Variants in PTPRG observed in about 807,000 individuals in gnomAD.
PTPRG encodes the protein protein tyrosine phosphatase receptor type G, also known as receptor-type tyrosine-protein phosphatase gamma.
Under a neutral mutation model 165.3 loss-of-function variants are expected in PTPRG, and 102 were observed. That is an observed-to-expected ratio of 0.62 (90% confidence interval 0.53 to 0.73). The LOEUF is 0.73. Ranked by LOEUF, PTPRG falls within the 30% of genes least tolerant of loss-of-function variation. PTPRG has a pLI of 0.00. For missense variants in PTPRG, 1,866 were observed against 1,861.4 expected (o/e 1.00, Z -0.05); for synonymous variants, 675 against 669.5 (o/e 1.01, Z -0.13).
At chr3:62,251,030 T>C (rs987896034) in intron 15 of PTPRG, among the ~76,000 whole-genome samples, 1 of 152,234 alleles carries the variant, frequency 6.6e-6, no homozygotes. Flanking sequence ...TCGGGTGATT[T>C]AGTGATAATG....
At chr3:62,058,406 A>G (rs1700700065) in intron 4 of PTPRG, among the ~76,000 whole-genome samples, 1 of 152,028 alleles carries the variant, frequency 6.6e-6, no homozygotes, top group African/African-American at 2.4e-5. Context: ...CCTAACCTCA[A>G]GTGATCTTCC....
chr3:61,995,083 T>C (rs967572392), intron 3 of PTPRG, among the ~76,000 whole-genome samples: 1 of 40,984 alleles, frequency 2.4e-5, no homozygotes, highest in Non-Finnish European at 5.5e-5. Context: ...TTTCTTTCTT[T>C]CTTTTTTTTT....
chr3:62,262,721 T>C, intron 16 of PTPRG, 77 bp from the exon 17 acceptor site: 4 of 1,041,650 alleles, frequency 3.8e-6, no homozygotes, highest in Middle Eastern at 2.1e-4. Context: ...AGTGAGTAAA[T>C]ACTTTATGCC....
chr3:61,698,558 A>G (rs748341184), intron 1 of PTPRG, among the ~76,000 whole-genome samples: 3 of 152,204 alleles, frequency 2.0e-5, no homozygotes, highest in African/African-American at 7.2e-5. Flanking sequence ...GATTTGGCCC[A>G]TGGGACATAG....
At chr3:62,142,836 G>A (rs954602991) in intron 6 of PTPRG, among the ~76,000 whole-genome samples, 4 of 152,198 alleles carry the variant, frequency 2.6e-5, no homozygotes, top group Non-Finnish European at 5.9e-5. Flanking sequence ...GCGCCTCACT[G>A]CTGCTGTGCT....
chr3:62,266,684 TATG>T (rs1240076755), intron 17 of PTPRG, among the ~76,000 whole-genome samples: 3 of 151,764 alleles, frequency 2.0e-5, no homozygotes, highest in African/African-American at 7.3e-5. Context: ...ACTAGCCTTT[TATG>T]ATAATGACTA....
At chr3:61,621,051 A>ATATATATATATATATGTG in intron 1 of PTPRG, among the ~76,000 whole-genome samples, 1 of 117,944 alleles carries the variant, frequency 8.5e-6, no homozygotes, top group Non-Finnish European at 1.8e-5. Context: ...ATATATATAT[A>ATATATATATATATATGTG]TGTGTGTGTG....
intron 5 of PTPRG, among the ~76,000 whole-genome samples, chr3:62,115,640 C>CTT (rs74266091): frequency 7.0e-6 from 1 of 142,036 alleles, no homozygotes; most frequent in Non-Finnish European, 1.5e-5. Context: ...AAGGCACATT[C>CTT]TTTTTTTTTT....
chr3:61,720,844 T>C (rs917154609), intron 1 of PTPRG, among the ~76,000 whole-genome samples: 1 of 152,222 alleles, frequency 6.6e-6, no homozygotes, highest in African/African-American at 2.4e-5. Flanking sequence ...TTAGAAATAT[T>C]ATCCAGTGGC....
At position 61,926,601 on chromosome 3, in the gene PTPRG, CTCCCTCCCTCCT is replaced by C. The variant is rs562895341; in HGVS notation, c.191-63020_191-63009del. ...TCCCCTTCCCTCCCTCCCTCCCTCCCTCCCTCCCTCCTTCCTTCCTTCCTTCCTTCCTTCCAC... is the reference window on the plus strand; with the variant it reads ...TCCCCTTCCCTCCCTCCCTCCCTCCCTCCTTCCTTCCTTCCTTCCTTCCAC... On this transcript the variant is annotated intron_variant, in intron 2 of 29. Coordinates refer to ENST00000474889, the MANE Select transcript of PTPRG (RefSeq NM_002841.4). Among the ~76,000 whole-genome samples, 1,198 of 131,880 alleles carry C rather than the reference CTCCCTCCCTCCT, an allele frequency of 9.1e-3. 18 individuals are homozygous for C. Among genetic ancestry groups the C allele is most frequent in the African/African-American group, 0.035 (1,125 of 32,302 alleles). The allele number at this position is 131,880 out of a possible 152,430, so 86.5% of individuals were successfully genotyped here. A position where few individuals can be genotyped will look rare whatever the true frequency, so the allele number is the denominator to read the frequency against.
At chr3:62,243,355 T>C (rs1015694230) in intron 14 of PTPRG, among the ~76,000 whole-genome samples, 5 of 152,094 alleles carry the variant, frequency 3.3e-5, no homozygotes, top group Admixed American at 6.5e-5. Context: ...GCATGAACAA[T>C]GTGGTGCTAT....
intron 2 of PTPRG, among the ~76,000 whole-genome samples, chr3:61,792,446 A>G (rs550210157): frequency 6.6e-6 from 1 of 152,144 alleles, no homozygotes; most frequent in South Asian, 2.1e-4. Flanking sequence ...GGCTGGTGTC[A>G]AAACTCCTGG....
At chr3:61,743,044 T>C (rs2033058622) in intron 1 of PTPRG, 7 of 1,596,882 alleles carry the variant, frequency 4.4e-6, no homozygotes, top group Admixed American at 3.4e-5. Context: ...GCGCTTGCGC[T>C]GGTTCCGGTG....
At chr3:61,936,949 T>G (rs2039497266) in intron 2 of PTPRG, among the ~76,000 whole-genome samples, 1 of 152,222 alleles carries the variant, frequency 6.6e-6, no homozygotes, top group African/African-American at 2.4e-5. Flanking sequence ...ACACAAGTGA[T>G]GTACACAGCA....
chr3:61,852,633 T>C (rs1164296564), intron 2 of PTPRG, among the ~76,000 whole-genome samples: 6 of 152,174 alleles, frequency 3.9e-5, no homozygotes. Context: ...GATGAGTCTT[T>C]GGTTTAGAGG....
chr3:62,257,462 G>A (rs1013663944), intron 16 of PTPRG, among the ~76,000 whole-genome samples: 1 of 152,174 alleles, frequency 6.6e-6, no homozygotes, highest in Non-Finnish European at 1.5e-5. Context: ...GCATTTACTA[G>A]TTAGCACTGT....
intron 1 of PTPRG, among the ~76,000 whole-genome samples, chr3:61,570,772 G>A (rs1436890708): frequency 2.6e-5 from 4 of 152,156 alleles, no homozygotes; most frequent in Non-Finnish European, 2.9e-5. Flanking sequence ...TTTAAGAATT[G>A]TCAAAAGGAT....
intron 4 of PTPRG, among the ~76,000 whole-genome samples, chr3:62,008,478 G>A (rs2041346148): frequency 6.6e-6 from 1 of 152,186 alleles, no homozygotes; most frequent in Non-Finnish European, 1.5e-5. Context: ...GCATTTTAGT[G>A]AATGAATAGA....
intron 4 of PTPRG, among the ~76,000 whole-genome samples, chr3:62,028,497 G>A (rs917238371): frequency 1.3e-5 from 2 of 152,126 alleles, no homozygotes; most frequent in African/African-American, 2.4e-5. Flanking sequence ...AGAATGCTGA[G>A]GTATTACGAT....
Sources: allele counts gnomAD v4.1 joint callset (sites outside exome capture counted in the v4.1 genomes callset), GRCh38; gene constraint gnomAD v4.1.1; transcripts MANE v1.5; gene names NCBI Gene and HGNC (gene_info 2026-07-23, HGNC 2026-07-21).